The following LPP variants were observed in gnomAD, a reference collection of about 807,000 sequenced individuals.
The protein encoded by LPP is LIM domain containing preferred translocation partner in lipoma, also known as lipoma-preferred partner.
In LPP, 38 loss-of-function variants were observed where a neutral mutation model predicts 60.4. That is an observed-to-expected ratio of 0.63 (90% CI 0.49 to 0.83). The LOEUF (loss-of-function observed/expected upper bound fraction) is 0.83, where lower values mean the gene tolerates loss of function less well. Among genes scored for constraint, LPP ranks in the 40% least tolerant of loss-of-function variants. The pLI is 0.00. For synonymous variants in LPP, 328 were observed against 290.8 expected, an observed-to-expected ratio of 1.13 and a Z score of -1.30; for missense variants, 902 against 783.6, an observed-to-expected ratio of 1.15 and a Z score of -1.80.
In LPP at chr3:188,203,578, AAT is replaced by A. The variant is rs546311065; in HGVS notation, c.-189-21816_-189-21815del. On this transcript the variant is annotated intron_variant, in intron 1 of 11. Transcript: ENST00000617246. ...TTAAATATATATAAATATATATTTA[AAT>A]ATATATATATTTAAATATATATAAA... Among the ~76,000 whole-genome samples, 118 of 96,194 alleles carry A rather than the reference AAT, an allele frequency of 1.2e-3. 2 individuals are homozygous for A. The highest frequency in any genetic ancestry group is 1.6e-3 in the Non-Finnish European group (83 of 51,094). The allele number at this position is 96,194 out of a possible 152,430, so 63.1% of individuals were successfully genotyped here.
At position 188,433,580 on chromosome 3, in the gene LPP, A is replaced by AAG. The variant is rs544817280; in HGVS notation, c.193+27277_193+27278dup. On this transcript the variant is annotated intron_variant, in intron 4 of 11. Coordinates refer to ENST00000617246, the MANE Select transcript of LPP (RefSeq NM_001375462.1). ...AGAGCTCAGGGATGAGAGAGAGAGAAAGAGAGAGAGACAGAAAGTGAGAGA... is the reference window on the plus strand; with the variant it reads ...AGAGCTCAGGGATGAGAGAGAGAGAAAGAGAGAGAGAGACAGAAAGTGAGAGA... 2.4e-5 allele frequency among the ~76,000 whole-genome samples: 3 copies of AAG among 125,110 alleles called. No homozygotes were observed. The East Asian group carries it at 7.4e-4, about 31-fold the overall frequency. The allele number at this position is 125,110 out of a possible 152,430, so 82.1% of individuals were successfully genotyped here. A position where few individuals can be genotyped will look rare whatever the true frequency, so the allele number is the denominator to read the frequency against.
intron 7 of LPP, among the ~76,000 whole-genome samples, chr3:188,640,817 A>G (rs189643207): frequency 1.3e-5 from 2 of 152,324 alleles, no homozygotes; most frequent in Admixed American, 1.3e-4. Flanking sequence ...CTACATGTCT[A>G]TACCATGGCA....
intron 2 of LPP, among the ~76,000 whole-genome samples, chr3:188,340,049 G>A (rs745446401): frequency 6.6e-6 from 1 of 152,166 alleles, no homozygotes; most frequent in Non-Finnish European, 1.5e-5. Context: ...AATTTTCTGT[G>A]CTATACACTC....
intron 2 of LPP, among the ~76,000 whole-genome samples, chr3:188,234,044 G>A (rs1056417351): frequency 6.6e-6 from 1 of 152,092 alleles, no homozygotes; most frequent in Non-Finnish European, 1.5e-5. Flanking sequence ...TCTGTAGCCT[G>A]CTCAAATGCA....
intron 2 of LPP, among the ~76,000 whole-genome samples, chr3:188,226,475 T>C (rs1005532164): frequency 2.0e-5 from 3 of 152,174 alleles, no homozygotes; most frequent in Non-Finnish European, 4.4e-5. Context: ...AGGTAAACTT[T>C]CCCTTGTGTT....
intron 9 of LPP, among the ~76,000 whole-genome samples, chr3:188,786,701 G>C (rs912019134): frequency 1.3e-5 from 2 of 152,106 alleles, no homozygotes; most frequent in African/African-American, 4.8e-5. Context: ...TTCAACAGGT[G>C]AATGGTTAAA....
chr3:188,334,278 T>G lies in LPP; in HGVS notation c.-66-7385T>G, dbSNP rs539985493. Among the ~76,000 whole-genome samples the G allele has an allele frequency of 5.9e-5, 9 of 152,290 alleles. No individual in the cohort carries two copies. The South Asian group carries it at 8.3e-4, about 14-fold the overall frequency. On this transcript the variant is annotated intron_variant, in intron 2 of 11. Coordinates refer to ENST00000617246, the MANE Select transcript of LPP (RefSeq NM_001375462.1). The stretch of plus-strand genomic sequence containing the variant: ...CTTTGCCTGTTTATCTGTTGATGGA[T>G]ACTTAGATTGATTCCTTATCTTGGC...
At chr3:188,872,505 C>T (rs1768374616) in intron 10 of LPP, 138 bp from the exon 11 acceptor site, 1 of 871,200 alleles carries the variant, frequency 1.1e-6, no homozygotes, top group African/African-American at 1.7e-5. Context: ...CCTCCACAGT[C>T]CCTGAGTCTA....
In LPP at chr3:188,206,274, C is replaced by T. The variant is rs117035631; in HGVS notation, c.-189-19131C>T. On this transcript the variant is annotated intron_variant, in intron 1 of 11. Coordinates refer to ENST00000617246, the MANE Select transcript of LPP (RefSeq NM_001375462.1). ...TGCTGGAGGTTCGAGGTCCTGCAAC[C>T]ACAGAGTAGCTGCAGGACCTTCAGG... Among the ~76,000 whole-genome samples the T allele has an allele frequency of 4.7e-4, 71 of 152,238 alleles. 2 individuals are homozygous for T. In the East Asian group the frequency reaches 0.013, roughly 29 times the overall value.
intron 1 of LPP, among the ~76,000 whole-genome samples, chr3:188,216,959 T>A (rs1015709238): frequency 1.3e-4 from 20 of 152,198 alleles, no homozygotes; most frequent in Non-Finnish European, 2.8e-4. Flanking sequence ...TTTTATTAAA[T>A]CTTTATTGAG....
chr3:188,692,868 G>A (rs1471392374), intron 7 of LPP, among the ~76,000 whole-genome samples: 1 of 152,212 alleles, frequency 6.6e-6, no homozygotes, highest in African/African-American at 2.4e-5. Context: ...TATGCAAGAA[G>A]CACTGGAGGC....
intron 1 of LPP, among the ~76,000 whole-genome samples, chr3:188,203,467 A>T (rs1241649792): frequency 3.3e-5 from 3 of 92,180 alleles, no homozygotes; most frequent in African/African-American, 8.9e-5. Flanking sequence ...AAATATATAT[A>T]TTTTTAAATA....
chr3:188,284,175 T>C (rs1332167004), intron 2 of LPP, among the ~76,000 whole-genome samples: 2 of 151,864 alleles, frequency 1.3e-5, no homozygotes, highest in Non-Finnish European at 2.9e-5. Context: ...GCAAATCACC[T>C]GACCTCAGGT....
chr3:188,857,826 G>C (rs1237463547), intron 9 of LPP, among the ~76,000 whole-genome samples: 1 of 152,090 alleles, frequency 6.6e-6, no homozygotes, highest in East Asian at 1.9e-4. Flanking sequence ...TAATGGTGAA[G>C]GGAAAAAATA....
chr3:188,735,980 C>A (rs1722349748), intron 8 of LPP, among the ~76,000 whole-genome samples: 1 of 152,186 alleles, frequency 6.6e-6, no homozygotes, highest in Non-Finnish European at 1.5e-5. Flanking sequence ...GGACTAGCCA[C>A]AAACTTCTCC....
At chr3:188,232,504 A>ATTTTTTTTTTTTTTTTTTTTT (rs71634069) in intron 2 of LPP, among the ~76,000 whole-genome samples, 1 of 103,234 alleles carries the variant, frequency 9.7e-6, no homozygotes, top group Non-Finnish European at 1.9e-5. Context: ...ACACCCGGCT[A>ATTTTTTTTTTTTTTTTTTTTT]TTTTTTTTTT....
intron 4 of LPP, among the ~76,000 whole-genome samples, chr3:188,467,547 C>T (rs1242545927): frequency 6.6e-6 from 1 of 151,974 alleles, no homozygotes; most frequent in African/African-American, 2.4e-5. Flanking sequence ...GGGTACATGC[C>T]ACAGGGAAAT....
chr3:188,637,112 A>C (rs1413458799), intron 7 of LPP, among the ~76,000 whole-genome samples: 1 of 150,862 alleles, frequency 6.6e-6, no homozygotes, highest in Non-Finnish European at 1.5e-5. Flanking sequence ...CATACTTGGA[A>C]GTAAAGTTCT....
intron 10 of LPP, among the ~76,000 whole-genome samples, chr3:188,869,404 C>G (rs990250721): frequency 5.9e-5 from 9 of 152,328 alleles, no homozygotes; most frequent in African/African-American, 2.2e-4. Context: ...AATTCTCCTG[C>G]CTCAGCCTCC....
Sources: allele counts gnomAD v4.1 joint callset (sites outside exome capture counted in the v4.1 genomes callset), GRCh38; gene constraint gnomAD v4.1.1; transcripts MANE v1.5; gene names NCBI Gene and HGNC (gene_info 2026-07-23, HGNC 2026-07-21).